CEP70: variants seen among roughly 807,000 people sequenced by gnomAD.
CEP70 encodes the protein centrosomal protein 70, also known as centrosomal protein of 70 kDa.
CEP70 carries 70 observed loss-of-function variants against 90.9 expected under a neutral mutation model. The observed-to-expected ratio is 0.77, with a 90% confidence interval of 0.64 to 0.94. The LOEUF is 0.94. CEP70 is among the 40% of genes least tolerant of loss of function. The pLI, the probability that CEP70 is intolerant of heterozygous loss-of-function variation, is 0.00. For synonymous variants in CEP70, 220 were observed against 228.3 expected (o/e 0.96, Z 0.33); for missense variants, 648 against 669.0 (o/e 0.97, Z 0.35).
At chr3:138,540,396 G>A (rs2038658120) in intron 6 of CEP70, among the ~76,000 whole-genome samples, 1 of 151,406 alleles carries the variant, frequency 6.6e-6, no homozygotes, top group Non-Finnish European at 1.5e-5. Context: ...GAGGCTGAAG[G>A]AGGGGAATCG....
chr3:138,512,180 G>A (rs1312064882), intron 11 of CEP70, among the ~76,000 whole-genome samples: 1 of 152,188 alleles, frequency 6.6e-6, no homozygotes, highest in Non-Finnish European at 1.5e-5. Flanking sequence ...AATGGGCAAA[G>A]GAGGAAGTGC....
chr3:138,566,119 C>A (rs2040768034), intron 6 of CEP70, among the ~76,000 whole-genome samples: 2 of 152,148 alleles, frequency 1.3e-5, no homozygotes, highest in African/African-American at 4.8e-5. Context: ...ATCAAAATCA[C>A]AATGAGATAC....
chr3:138,578,466 C>G (rs901928953), intron 2 of CEP70, among the ~76,000 whole-genome samples: 1 of 152,086 alleles, frequency 6.6e-6, no homozygotes, highest in Non-Finnish European at 1.5e-5. Context: ...AGAAGAAAAA[C>G]AGAAGATGCT....
At chr3:138,500,037 G>T in intron 16 of CEP70, 73 bp downstream of exon 16, 1 of 993,378 alleles carries the variant, frequency 1.0e-6, no homozygotes, top group Non-Finnish European at 1.6e-6. Flanking sequence ...CTCCCAAGTA[G>T]CTGGGACTAC....
intron 6 of CEP70, among the ~76,000 whole-genome samples, chr3:138,552,366 A>G (rs2039683988): frequency 6.6e-6 from 1 of 152,208 alleles, no homozygotes; most frequent in Non-Finnish European, 1.5e-5. Context: ...ACAACTGTAG[A>G]ATATACATTC....
Position 138,500,813 on chromosome 3 carries a change from A to T in CEP70, c.1290T>A (p.Asp430Glu). 3 of 1,606,014 alleles carry T rather than the reference A, an allele frequency of 1.9e-6. No homozygotes were observed. The highest frequency in any genetic ancestry group is 2.6e-6 in the Non-Finnish European group (3 of 1,174,756). The stretch of plus-strand genomic sequence containing the variant: ...CTTCAACTTTGATACCTTCATTTTC[A>T]TCCTGCTTCTTCAAATTAAGCCAAG... The part of the protein sequence containing the change: ...LVPWLNLKKQ[D>E]ENEGIKVEDL... Residue 430 changes from aspartate to glutamate, a missense_variant, in exon 14 of 18, where the codon GAT (aspartate) becomes GAA (glutamate). Transcript: ENST00000264982.
chr3:138,584,917 C>G (rs1238166725), intron 2 of CEP70, among the ~76,000 whole-genome samples: 6 of 151,840 alleles, frequency 4.0e-5, no homozygotes, highest in African/African-American at 1.5e-4. Context: ...ATTGACAAAC[C>G]TTTAGCCAGA....
intron 10 of CEP70, among the ~76,000 whole-genome samples, chr3:138,526,246 C>T (rs2037233913): frequency 6.6e-6 from 1 of 152,066 alleles, no homozygotes; most frequent in Non-Finnish European, 1.5e-5. Flanking sequence ...CTGCAACCTC[C>T]ACCTCCCAGG....
At chr3:138,563,313 T>C (rs1288615909) in intron 6 of CEP70, among the ~76,000 whole-genome samples, 1 of 152,190 alleles carries the variant, frequency 6.6e-6, no homozygotes, top group East Asian at 1.9e-4. Context: ...TTAACAAGGA[T>C]ATTTAGGACT....
At chr3:138,510,301 C>T (rs185277416) in intron 11 of CEP70, among the ~76,000 whole-genome samples, 2 of 151,312 alleles carry the variant, frequency 1.3e-5, no homozygotes, top group African/African-American at 4.8e-5. Context: ...GATATGGTGG[C>T]GCATGCCTGT....
chr3:138,505,514 C>A, intron 12 of CEP70, 49 bp from the exon 13 acceptor site: 1 of 1,282,120 alleles, frequency 7.8e-7, no homozygotes, highest in Non-Finnish European at 1.0e-6. Context: ...CCTATGCCTA[C>A]AAAGTTATAT....
At chr3:138,576,241 A>T (rs1163693183) in intron 2 of CEP70, among the ~76,000 whole-genome samples, 1 of 152,198 alleles carries the variant, frequency 6.6e-6, no homozygotes, top group Non-Finnish European at 1.5e-5. Context: ...GGCTCAAAAT[A>T]AAGGGATGGA....
At chr3:138,584,128 C>T (rs961089564) in intron 2 of CEP70, among the ~76,000 whole-genome samples, 1 of 151,708 alleles carries the variant, frequency 6.6e-6, no homozygotes, top group Admixed American at 6.6e-5. Context: ...ATCATTAGAG[C>T]CTACTAGGAG....
At chr3:138,583,009 A>G (rs182818787) in intron 2 of CEP70, among the ~76,000 whole-genome samples, 114 of 152,294 alleles carry the variant, frequency 7.5e-4, no homozygotes, top group Non-Finnish European at 9.4e-4. Flanking sequence ...CTATTTGTCA[A>G]TAACATTGAA....
intron 2 of CEP70, among the ~76,000 whole-genome samples, chr3:138,581,332 G>C (rs995845030): frequency 6.6e-6 from 1 of 150,516 alleles, no homozygotes; most frequent in African/African-American, 2.4e-5. Flanking sequence ...ATGCCTATAA[G>C]ATCTAGACAA....
chr3:138,518,406 G>A (rs1313155087), intron 11 of CEP70, among the ~76,000 whole-genome samples: 2 of 152,206 alleles, frequency 1.3e-5, no homozygotes, highest in African/African-American at 4.8e-5. Flanking sequence ...CCTGACCCCC[G>A]AGTAGCCTAA....
chr3:138,587,730 T>A (rs1290634470), intron 2 of CEP70, among the ~76,000 whole-genome samples: 4 of 152,178 alleles, frequency 2.6e-5, no homozygotes, highest in African/African-American at 9.6e-5. Flanking sequence ...GAGCTATGAT[T>A]GTGCCACTGC....
In CEP70 at chr3:138,547,817, T is replaced by G. The variant is rs75590989; in HGVS notation, c.466-10470A>C. 5.6e-3 allele frequency among the ~76,000 whole-genome samples: 858 copies of G among 152,348 alleles called. 12 individuals are homozygous for G. The highest frequency in any genetic ancestry group is 0.02 in the African/African-American group (812 of 41,582). On this transcript the variant is annotated intron_variant, in intron 6 of 17. Transcript: ENST00000264982. ...GGATGATTCATGTCCTGAATGGGAC[T>G]GAACAAGATTGTGTGAGATTTCATC...
chr3:138,501,563 G>A (rs1013545564), intron 13 of CEP70, among the ~76,000 whole-genome samples: 4 of 152,126 alleles, frequency 2.6e-5, no homozygotes, highest in Non-Finnish European at 4.4e-5. Context: ...TATGAATGAC[G>A]TCTCTCACTT....
Sources: gnomAD v4.1 joint callset for allele counts (sites outside exome capture counted in the v4.1 genomes callset) on GRCh38, gnomAD v4.1.1 for gene constraint, MANE v1.5 for transcripts, NCBI Gene and HGNC (gene_info 2026-07-23, HGNC 2026-07-21) for gene names.